Variants in ANKFN1 observed in about 807,000 individuals in gnomAD.
The protein encoded by ANKFN1 is ankyrin repeat and fibronectin type-III domain-containing protein 1.
ANKFN1 carries 74 observed loss-of-function variants against 108.7 expected under a neutral mutation model. That is an observed-to-expected ratio of 0.68 (90% CI 0.56 to 0.83). ANKFN1 has a LOEUF of 0.83. Among genes scored for constraint, ANKFN1 ranks in the 40% least tolerant of loss-of-function variants. The probability of loss-of-function intolerance (pLI) is 0.00; values close to 1 mark genes in which losing one functional copy is unlikely to be tolerated. For synonymous variants in ANKFN1, 547 were observed against 516.2 expected (o/e 1.06, Z -0.81); for missense variants, 1,505 against 1,382.3 (o/e 1.09, Z -1.41).
intron 3 of ANKFN1, among the ~76,000 whole-genome samples, chr17:56,272,993 A>AT: frequency 6.6e-6 from 1 of 152,232 alleles, no homozygotes; most frequent in South Asian, 2.1e-4. Flanking sequence ...CAGCCCAAAT[A>AT]TTTTTTCTAG....
intron 6 of ANKFN1, chr17:56,368,276 CTTT>C (rs71137202): frequency 4.9e-4 from 32 of 65,970 alleles, no homozygotes; most frequent in Non-Finnish European, 6.0e-4. Context: ...TGAAAATGAA[CTTT>C]TTTTTTTTTT....
intron 3 of ANKFN1, among the ~76,000 whole-genome samples, chr17:56,265,100 G>T (rs933528551): frequency 2.6e-5 from 4 of 151,992 alleles, no homozygotes; most frequent in African/African-American, 9.7e-5. Flanking sequence ...GTTGATATAG[G>T]CTCATGGGTT....
Position 56,511,331 on chromosome 17 carries a change from C to T in ANKFN1, c.*62C>T, listed in dbSNP as rs957462251. 1.7e-5 allele frequency: 24 copies of T among 1,400,062 alleles called. No individual in the cohort carries two copies. The African/African-American group carries it at 3.5e-4, about 20-fold the overall frequency. 86.7% of individuals were successfully genotyped at this position (1,400,062 alleles called of 1,614,324 possible). ...CTACCTGCGTTTTACATCACCCTTA[C>T]CCCCATCCTGCCCCACTGTGTACCC... On this transcript the variant is annotated 3_prime_UTR_variant, in exon 21 of 21. Transcript: ENST00000682825.
chr17:56,466,518 C>A lies in ANKFN1; in HGVS notation c.1720C>A (p.Leu574Ile). The part of the protein sequence containing the change: ...ISKLQSQRKS[L>I]STPEEPTALD... Reference sequence around the variant, plus strand: ...AAAGCTGCAAAGCCAGAGAAAGTCTCTATCAACACCTGAGGAGCCAACAGC... The same window carrying A: ...AAAGCTGCAAAGCCAGAGAAAGTCTATATCAACACCTGAGGAGCCAACAGC... The change falls in exon 15 of 21, where the codon CTA (leucine) becomes ATA (isoleucine). Residue 574 changes from leucine to isoleucine, a missense_variant. Leu to Ile is a conservative substitution (Grantham distance 5). Transcript: ENST00000682825. The A allele has an allele frequency of 6.2e-7, 1 of 1,613,988 alleles. No individual in the cohort carries two copies. The highest frequency in any genetic ancestry group is 1.1e-5 in the South Asian group (1 of 91,056).
intron 4 of ANKFN1, among the ~76,000 whole-genome samples, chr17:56,126,956 T>A (rs183947529): frequency 3.7e-4 from 56 of 152,356 alleles, no homozygotes; most frequent in South Asian, 1.0e-3. Context: ...AAAAATTGCT[T>A]TGCACAATGC....
At chr17:56,393,536 A>G (rs1165464328) in intron 8 of ANKFN1, among the ~76,000 whole-genome samples, 1 of 152,262 alleles carries the variant, frequency 6.6e-6, no homozygotes, top group Non-Finnish European at 1.5e-5. Flanking sequence ...AGTGCACAGT[A>G]CCTGGCTAGT....
chr17:56,063,212 C>T (rs538932637), intron 4 of ANKFN1, among the ~76,000 whole-genome samples: 43 of 152,062 alleles, frequency 2.8e-4, no homozygotes, highest in African/African-American at 8.4e-4. Flanking sequence ...TTAGAGAATC[C>T]GAAGATTATA....
chr17:56,096,387 G>A (rs1298116412), intron 4 of ANKFN1, among the ~76,000 whole-genome samples: 1 of 152,140 alleles, frequency 6.6e-6, no homozygotes, highest in Non-Finnish European at 1.5e-5. Flanking sequence ...TCCTAGAGAT[G>A]AAATTTGAAT....
intron 8 of ANKFN1, among the ~76,000 whole-genome samples, chr17:56,395,289 T>C (rs921271028): frequency 4.6e-5 from 7 of 151,998 alleles, no homozygotes; most frequent in African/African-American, 1.4e-4. Context: ...CCCCTACACT[T>C]GAAAAGGAGT....
At chr17:56,095,677 G>A (rs1905520639) in intron 4 of ANKFN1, among the ~76,000 whole-genome samples, 1 of 152,164 alleles carries the variant, frequency 6.6e-6, no homozygotes, top group African/African-American at 2.4e-5. Context: ...TTTATGTCTG[G>A]GGGAAGTGCT....
intron 4 of ANKFN1, among the ~76,000 whole-genome samples, chr17:56,066,466 C>T (rs2143124484): frequency 6.6e-6 from 1 of 152,238 alleles, no homozygotes; most frequent in South Asian, 2.1e-4. Flanking sequence ...AAAAAGTAGA[C>T]TATCTGAATA....
At chr17:56,406,432 C>T (rs1371076611) in intron 8 of ANKFN1, among the ~76,000 whole-genome samples, 3 of 152,068 alleles carry the variant, frequency 2.0e-5, no homozygotes, top group Non-Finnish European at 4.4e-5. Flanking sequence ...ATGAAGCAGG[C>T]TCCCATACTG....
chr17:56,333,536 G>A (rs893856681), intron 4 of ANKFN1, among the ~76,000 whole-genome samples: 1 of 152,020 alleles, frequency 6.6e-6, no homozygotes, highest in Non-Finnish European at 1.5e-5. Context: ...TAGTCGTGAT[G>A]CATTATCCTT....
At chr17:56,402,550 C>T (rs1293685215) in intron 8 of ANKFN1, among the ~76,000 whole-genome samples, 1 of 151,962 alleles carries the variant, frequency 6.6e-6, no homozygotes, top group Non-Finnish European at 1.5e-5. Context: ...TGTTTTGTTT[C>T]TTAGTGGGGT....
intron 8 of ANKFN1, among the ~76,000 whole-genome samples, chr17:56,383,528 A>G (rs1394391613): frequency 1.3e-5 from 2 of 152,218 alleles, no homozygotes; most frequent in African/African-American, 4.8e-5. Flanking sequence ...TCAAAAAATT[A>G]ATGAATCCAG....
At position 56,500,996 on chromosome 17, in the gene ANKFN1, T is replaced by A. The variant is rs545309853; in HGVS notation, c.2644+1898T>A. On this transcript the variant is annotated intron_variant, in intron 20 of 20. Transcript: ENST00000682825. ...GGGGTGGGAGTAGGCAGGAAGTGTG[T>A]TGAATTCACTAGGATGATGATCAGC... Among the ~76,000 whole-genome samples the A allele has an allele frequency of 2.5e-4, 38 of 152,214 alleles. No homozygotes were observed. In the South Asian group the frequency reaches 6.6e-3, roughly 27 times the overall value.
intron 4 of ANKFN1, among the ~76,000 whole-genome samples, chr17:56,335,802 AAGGG>A (rs201583925): frequency 0.029 from 4,348 of 152,262 alleles, 199 homozygotes; most frequent in African/African-American, 0.1. Flanking sequence ...CCAGTTTTCA[AAGGG>A]AGGGCTTCCA....
intron 4 of ANKFN1, among the ~76,000 whole-genome samples, chr17:56,347,815 G>A (rs2046145482): frequency 6.6e-6 from 1 of 152,122 alleles, no homozygotes; most frequent in Non-Finnish European, 1.5e-5. Context: ...GAAGGGAACA[G>A]ATGGGAGATG....
intron 4 of ANKFN1, among the ~76,000 whole-genome samples, chr17:56,147,779 TA>T (rs2143424013): frequency 6.6e-6 from 1 of 152,338 alleles, no homozygotes; most frequent in South Asian, 2.1e-4. Flanking sequence ...TCCTGGGATA[TA>T]AAGCAGGTGT....
Sources: gnomAD v4.1 joint callset for allele counts (sites outside exome capture counted in the v4.1 genomes callset) on GRCh38, gnomAD v4.1.1 for gene constraint, MANE v1.5 for transcripts, NCBI Gene and HGNC (gene_info 2026-07-23, HGNC 2026-07-21) for gene names.